NRG3: variants seen among roughly 807,000 people sequenced by gnomAD.
The protein encoded by NRG3 is neuregulin 3.
A neutral mutation model predicts 66.9 loss-of-function variants in NRG3; 31 were observed. The observed-to-expected ratio is 0.46, with a 90% CI of 0.35 to 0.63. NRG3 has a LOEUF of 0.63. Among genes scored for constraint, NRG3 ranks in the 20% least tolerant of loss-of-function variants. NRG3 has a pLI of 0.00. For missense variants in NRG3, 910 were observed against 878.9 expected, an observed-to-expected ratio of 1.04 and a Z score of -0.45; for synonymous variants, 393 against 359.4, an observed-to-expected ratio of 1.09 and a Z score of -1.06.
chr10:82,072,905 T>C (rs1470289096), intron 1 of NRG3, among the ~76,000 whole-genome samples: 1 of 152,142 alleles, frequency 6.6e-6, no homozygotes, highest in Non-Finnish European at 1.5e-5. Context: ...TAGCTGGGAC[T>C]ACAGGCGCAC....
At chr10:82,601,889 AATATATATATATAACT>A (rs1231215587) in intron 2 of NRG3, among the ~76,000 whole-genome samples, 5 of 146,242 alleles carry the variant, frequency 3.4e-5, no homozygotes, top group Non-Finnish European at 7.5e-5. Context: ...TATATATACA[AATATATATATATAACT>A]ATATATATAT....
chr10:82,350,993 G>T (rs1386269013), intron 1 of NRG3, among the ~76,000 whole-genome samples: 2 of 151,834 alleles, frequency 1.3e-5, no homozygotes, highest in East Asian at 3.9e-4. Flanking sequence ...CTGGGTTCAC[G>T]CCATTCTCCT....
chr10:82,635,798 T>C (rs2050155598), intron 2 of NRG3, among the ~76,000 whole-genome samples: 2 of 151,834 alleles, frequency 1.3e-5, no homozygotes, highest in Non-Finnish European at 2.9e-5. Context: ...TTGCAAAGGC[T>C]GTGTTCAGGA....
At chr10:82,379,497 A>G (rs1404493941) in intron 2 of NRG3, among the ~76,000 whole-genome samples, 1 of 152,174 alleles carries the variant, frequency 6.6e-6, no homozygotes, top group Non-Finnish European at 1.5e-5. Flanking sequence ...CCACAGTAAA[A>G]TGGGTGCGAT....
intron 2 of NRG3, among the ~76,000 whole-genome samples, chr10:82,676,785 A>G (rs1022480264): frequency 6.6e-6 from 1 of 151,598 alleles, no homozygotes; most frequent in Admixed American, 6.6e-5. Context: ...CCCAGCCTCT[A>G]TTTGTTATTC....
chr10:82,262,180 A>C (rs988916582), intron 1 of NRG3, among the ~76,000 whole-genome samples: 2 of 152,212 alleles, frequency 1.3e-5, no homozygotes, highest in African/African-American at 4.8e-5. Flanking sequence ...GAATGGACTA[A>C]TACAGTAGTC....
intron 2 of NRG3, among the ~76,000 whole-genome samples, chr10:82,661,746 G>A (rs753840195): frequency 3.3e-5 from 5 of 152,220 alleles, no homozygotes; most frequent in African/African-American, 1.2e-4. Context: ...CCAGTGGTCT[G>A]CTGAGGTGGT....
chr10:82,713,119 CAAAAAAA>C (rs369968319), intron 2 of NRG3, among the ~76,000 whole-genome samples: 278 of 55,344 alleles, frequency 5.0e-3, no homozygotes, highest in African/African-American at 0.02. Context: ...GACTTCATCT[CAAAAAAA>C]AAAAAAAAAA....
intron 2 of NRG3, among the ~76,000 whole-genome samples, chr10:82,539,106 A>C (rs948050450): frequency 6.6e-6 from 1 of 152,234 alleles, no homozygotes; most frequent in African/African-American, 2.4e-5. Context: ...AATTGAAACT[A>C]TAGTGATACA....
At chr10:82,449,291 G>T (rs2090902577) in intron 2 of NRG3, among the ~76,000 whole-genome samples, 1 of 152,200 alleles carries the variant, frequency 6.6e-6, no homozygotes, top group Non-Finnish European at 1.5e-5. Context: ...AGAATGTCTA[G>T]TGGACATTTT....
chr10:82,214,619 C>CA (rs113710008), intron 1 of NRG3, among the ~76,000 whole-genome samples: 12,120 of 152,106 alleles, frequency 0.08, 574 homozygotes, highest in African/African-American at 0.14. Flanking sequence ...CATGCCACCA[C>CA]ACCTGGCTAA....
At chr10:82,362,265 G>A in intron 2 of NRG3, among the ~76,000 whole-genome samples, 1 of 148,596 alleles carries the variant, frequency 6.7e-6, no homozygotes, top group African/African-American at 2.5e-5. Flanking sequence ...TTGACAGAAG[G>A]ATTTTTAAAG....
At chr10:81,933,335 A>G (rs1002079219) in intron 1 of NRG3, among the ~76,000 whole-genome samples, 1 of 152,136 alleles carries the variant, frequency 6.6e-6, no homozygotes, top group Non-Finnish European at 1.5e-5. Context: ...ATAGATACTT[A>G]TGTCCCAATT....
intron 2 of NRG3, among the ~76,000 whole-genome samples, chr10:82,505,489 T>C (rs1247161842): frequency 5.3e-5 from 8 of 152,214 alleles, no homozygotes; most frequent in Non-Finnish European, 1.2e-4. Context: ...TTCTATTTTC[T>C]TGTCAAATTG....
chr10:81,884,948 A>G (rs1052327091), intron 1 of NRG3, among the ~76,000 whole-genome samples: 2 of 152,200 alleles, frequency 1.3e-5, no homozygotes, highest in Non-Finnish European at 2.9e-5. Context: ...AACATTTAAC[A>G]TGAAATCTAT....
chr10:82,786,629 T>A (rs1159864615), intron 3 of NRG3, among the ~76,000 whole-genome samples: 1 of 152,170 alleles, frequency 6.6e-6, no homozygotes, highest in Non-Finnish European at 1.5e-5. Context: ...TTTGAGGTGA[T>A]GCTGGAACCA....
chr10:82,754,981 G>A (rs1335274511), intron 3 of NRG3, among the ~76,000 whole-genome samples: 1 of 152,096 alleles, frequency 6.6e-6, no homozygotes. Context: ...CAAGATGAAA[G>A]ATGCTGAACA....
intron 1 of NRG3, among the ~76,000 whole-genome samples, chr10:82,078,667 G>C (rs954933697): frequency 1.3e-5 from 2 of 152,218 alleles, no homozygotes; most frequent in African/African-American, 4.8e-5. Flanking sequence ...TGAGAAAGAA[G>C]TGATGGTCTA....
intron 6 of NRG3, among the ~76,000 whole-genome samples, chr10:82,964,565 G>A (rs1201963805): frequency 6.6e-6 from 1 of 152,136 alleles, no homozygotes; most frequent in Non-Finnish European, 1.5e-5. Flanking sequence ...ATTCTCAACA[G>A]CGGTCGAGTT....
Sources: allele counts gnomAD v4.1 joint callset (sites outside exome capture counted in the v4.1 genomes callset), GRCh38; gene constraint gnomAD v4.1.1; transcripts MANE v1.5; gene names NCBI Gene and HGNC (gene_info 2026-07-23, HGNC 2026-07-21).